The following COMMD10 variants were observed in gnomAD, a reference collection of about 807,000 sequenced individuals.
COMMD10 encodes the protein COMM domain-containing protein 10.
Under a neutral mutation model 28.9 loss-of-function variants are expected in COMMD10, and 33 were observed. The ratio of observed to expected loss-of-function variants is 1.14; its 90% CI spans 0.87 to 1.53. The LOEUF (loss-of-function observed/expected upper bound fraction) is 1.53, where lower values mean the gene tolerates loss of function less well. Ranked by LOEUF, COMMD10 falls within the 40% of genes most tolerant of loss-of-function variation. The pLI, the probability that COMMD10 is intolerant of heterozygous loss-of-function variation, is 0.00. For synonymous variants in COMMD10, 110 were observed against 81.7 expected, an observed-to-expected ratio of 1.35 and a Z score of -1.87; for missense variants, 310 against 233.4, an observed-to-expected ratio of 1.33 and a Z score of -2.14.
At chr5:116,217,206 T>TC (rs1316488883) in intron 5 of COMMD10, among the ~76,000 whole-genome samples, 1 of 151,696 alleles carries the variant, frequency 6.6e-6, no homozygotes, top group African/African-American at 2.4e-5. Flanking sequence ...TTTTTTTTTT[T>TC]CCAAGCCAAA....
At chr5:116,264,635 G>A (rs1374388429) in intron 5 of COMMD10, among the ~76,000 whole-genome samples, 1 of 151,854 alleles carries the variant, frequency 6.6e-6, no homozygotes, top group Non-Finnish European at 1.5e-5. Flanking sequence ...CAGCACTGTG[G>A]TCTCCTGTGT....
chr5:116,244,728 T>G (rs1250747543), intron 5 of COMMD10, among the ~76,000 whole-genome samples: 1 of 148,332 alleles, frequency 6.7e-6, no homozygotes, highest in African/African-American at 2.5e-5. Context: ...TCCTGAATGA[T>G]TTTTAGGTAG....
chr5:116,247,570 A>G (rs1202891567), intron 5 of COMMD10, among the ~76,000 whole-genome samples: 1 of 152,132 alleles, frequency 6.6e-6, no homozygotes, highest in Non-Finnish European at 1.5e-5. Flanking sequence ...GAATCAAGCT[A>G]AACGCCTGTC....
intron 5 of COMMD10, among the ~76,000 whole-genome samples, chr5:116,212,115 T>G (rs1026016767): frequency 6.6e-6 from 1 of 152,148 alleles, no homozygotes; most frequent in Non-Finnish European, 1.5e-5. Context: ...TGAACACAAC[T>G]TGATAAATAT....
intron 5 of COMMD10, among the ~76,000 whole-genome samples, chr5:116,211,660 G>C (rs1748966989): frequency 6.6e-6 from 1 of 151,970 alleles, no homozygotes; most frequent in Admixed American, 6.6e-5. Flanking sequence ...TAACATACAT[G>C]GATGCATTTT....
At chr5:116,149,285 T>C (rs1752438251) in intron 5 of COMMD10, among the ~76,000 whole-genome samples, 1 of 142,588 alleles carries the variant, frequency 7.0e-6, no homozygotes, top group Non-Finnish European at 1.5e-5. Flanking sequence ...TTCTAAGTCT[T>C]TGCTATTGTG....
intron 5 of COMMD10, among the ~76,000 whole-genome samples, chr5:116,152,106 T>G (rs188705202): frequency 6.6e-6 from 1 of 152,086 alleles, no homozygotes; most frequent in Non-Finnish European, 1.5e-5. Context: ...GCCTTCATTT[T>G]GTTATGTACC....
chr5:116,107,936 G>A (rs1268057399), intron 4 of COMMD10, among the ~76,000 whole-genome samples: 3 of 152,122 alleles, frequency 2.0e-5, no homozygotes, highest in Non-Finnish European at 4.4e-5. Flanking sequence ...TAACTGTCAG[G>A]CCCTTCTGCT....
intron 5 of COMMD10, among the ~76,000 whole-genome samples, chr5:116,266,349 C>CT (rs1221967488): frequency 6.6e-6 from 1 of 151,364 alleles, no homozygotes; most frequent in African/African-American, 2.4e-5. Context: ...TTATATTTTT[C>CT]TTTTTAACTA....
chr5:116,104,514 G>A (rs1159723823), intron 4 of COMMD10, among the ~76,000 whole-genome samples: 1 of 152,184 alleles, frequency 6.6e-6, no homozygotes, highest in Non-Finnish European at 1.5e-5. Context: ...AGACTTTGCT[G>A]AAGTTGCTCA....
intron 5 of COMMD10, among the ~76,000 whole-genome samples, chr5:116,259,020 T>G (rs1251873436): frequency 6.6e-6 from 1 of 151,580 alleles, no homozygotes. Context: ...CTTTTGTCTT[T>G]GTCTTCTATC....
intron 5 of COMMD10, among the ~76,000 whole-genome samples, chr5:116,258,371 AAAT>A: frequency 6.6e-6 from 1 of 151,828 alleles, no homozygotes; most frequent in East Asian, 1.9e-4. Flanking sequence ...AATTATGCAT[AAAT>A]AATTATTTAA....
At chr5:116,255,852 G>T (rs1351232642) in intron 5 of COMMD10, 2 of 151,214 alleles carry the variant, frequency 1.3e-5, no homozygotes, top group South Asian at 2.1e-4. Context: ...AAAACATTAA[G>T]AAATGTTAGT....
At chr5:116,190,790 C>T (rs1378857644) in intron 5 of COMMD10, among the ~76,000 whole-genome samples, 2 of 152,098 alleles carry the variant, frequency 1.3e-5, no homozygotes, top group African/African-American at 4.8e-5. Flanking sequence ...AAACTCAAAC[C>T]TTAAGTTCTA....
At chr5:116,162,349 A>G (rs181299427) in intron 5 of COMMD10, among the ~76,000 whole-genome samples, 2 of 152,244 alleles carry the variant, frequency 1.3e-5, no homozygotes, top group Admixed American at 1.3e-4. Flanking sequence ...AAGTAGTTTC[A>G]TTGACCTATT....
At chr5:116,224,688 C>T (rs1158339489) in intron 5 of COMMD10, among the ~76,000 whole-genome samples, 1 of 152,190 alleles carries the variant, frequency 6.6e-6, no homozygotes, top group Admixed American at 6.5e-5. Context: ...AAACACCTCC[C>T]TCTAGGCCCA....
chr5:116,170,199 C>T (rs757281176), intron 5 of COMMD10, among the ~76,000 whole-genome samples: 2 of 152,104 alleles, frequency 1.3e-5, no homozygotes, highest in African/African-American at 4.8e-5. Context: ...CAATAATAGA[C>T]AAACTGAGAG....
intron 5 of COMMD10, chr5:116,217,950 T>G: frequency 1.3e-6 from 1 of 771,756 alleles, no homozygotes; most frequent in Non-Finnish European, 2.2e-6. Context: ...TGCATTTTTA[T>G]AAAACTTGGT....
intron 4 of COMMD10, among the ~76,000 whole-genome samples, chr5:116,133,448 T>C (rs1455399596): frequency 6.6e-6 from 1 of 152,136 alleles, no homozygotes; most frequent in African/African-American, 2.4e-5. Flanking sequence ...GGAACGATAG[T>C]AAGAGTACCT....
Sources: gnomAD v4.1 joint callset for allele counts (sites outside exome capture counted in the v4.1 genomes callset) on GRCh38, gnomAD v4.1.1 for gene constraint, MANE v1.5 for transcripts, NCBI Gene and HGNC (gene_info 2026-07-23, HGNC 2026-07-21) for gene names.